The following CDC42BPB variants were observed in gnomAD, a reference collection of about 807,000 sequenced individuals.
The protein encoded by CDC42BPB is CDC42 binding protein kinase beta.
Under a neutral mutation model 214.9 loss-of-function variants are expected in CDC42BPB, and 37 were observed. The observed-to-expected ratio is 0.17, with a 90% CI of 0.13 to 0.23. The LOEUF is 0.23. Among genes scored for constraint, CDC42BPB ranks in the 10% least tolerant of loss-of-function variants. The pLI, the probability that CDC42BPB is intolerant of heterozygous loss-of-function variation, is 1.00. For missense variants in CDC42BPB, 1,694 were observed against 2,227.0 expected (o/e 0.76, Z 4.82); for synonymous variants, 931 against 884.0 (o/e 1.05, Z -0.94).
chr14:102,957,022 TACA>T (rs1162561077), intron 21 of CDC42BPB, among the ~76,000 whole-genome samples: 4 of 4,496 alleles, frequency 8.9e-4, no homozygotes, highest in African/African-American at 4.9e-3. Flanking sequence ...CTACTAAAAA[TACA>T]AAAAAAAAAA....
At chr14:103,009,286 C>T (rs1010917166) in intron 2 of CDC42BPB, among the ~76,000 whole-genome samples, 5 of 152,198 alleles carry the variant, frequency 3.3e-5, no homozygotes, top group Admixed American at 2.0e-4. Flanking sequence ...ACAGTCACAT[C>T]GTAGAGTCAC....
chr14:103,030,771 C>G (rs2139703648), intron 1 of CDC42BPB, among the ~76,000 whole-genome samples: 1 of 152,152 alleles, frequency 6.6e-6, no homozygotes, highest in East Asian at 1.9e-4. Context: ...ATCACTTACG[C>G]CTAGATGTTC....
chr14:102,934,436 A>C (rs891037053), intron 36 of CDC42BPB, among the ~76,000 whole-genome samples: 3 of 152,178 alleles, frequency 2.0e-5, no homozygotes, highest in Non-Finnish European at 2.9e-5. Flanking sequence ...GGGGAGGCTG[A>C]GGCAGGAGAA....
At position 102,944,273 on chromosome 14, in the gene CDC42BPB, G is replaced by A. The variant is rs1250636025; in HGVS notation, c.4026C>T (p.Thr1342=). ...ATATLKRNSG[T]CLFVAVKRLI... is the part of the protein sequence containing the mutation. ...GCCGTTTCACGGCCACAAACAGGCA[G>A]GTGCCAGAGTTCCTCTTGAGTGTGG... The change falls in exon 30 of 37, where the codon ACC becomes ACT. Residue 1342 remains threonine, a synonymous_variant. Transcript: ENST00000361246. The surrounding 1 kb of genome is among the most constrained non-coding windows in gnomAD (Gnocchi z 6.6). 1 of 1,613,214 alleles carries A rather than the reference G, an allele frequency of 6.2e-7. No homozygotes were observed. The highest frequency in any genetic ancestry group is 8.5e-7 in the Non-Finnish European group (1 of 1,180,036).
At chr14:102,989,850 ACT>A (rs1322640426) in intron 5 of CDC42BPB, among the ~76,000 whole-genome samples, 2 of 150,740 alleles carry the variant, frequency 1.3e-5, no homozygotes, top group Non-Finnish European at 3.0e-5. Flanking sequence ...CAAAAGCGAA[ACT>A]CTGTTTCAAA....
At chr14:102,964,842 T>C (rs1007164162) in intron 18 of CDC42BPB, 192 bp from the exon 19 acceptor site, 9 of 806,546 alleles carry the variant, frequency 1.1e-5, no homozygotes, top group African/African-American at 3.7e-5. Flanking sequence ...TCCTCAGAAA[T>C]CTTCTAAAAA....
intron 16 of CDC42BPB, 26 bp downstream of exon 16, chr14:102,968,227 T>C (rs753221339): frequency 9.1e-6 from 14 of 1,536,458 alleles, no homozygotes; most frequent in Non-Finnish European, 1.3e-5. Flanking sequence ...CACAAAGTGC[T>C]AACTCAGGTA....
intron 9 of CDC42BPB, among the ~76,000 whole-genome samples, chr14:102,977,621 T>G (rs899207302): frequency 2.6e-5 from 4 of 152,192 alleles, no homozygotes; most frequent in African/African-American, 9.7e-5. Flanking sequence ...AGCAGAGTGC[T>G]CTGATGGAAG....
At chr14:102,985,107 G>A (rs1048868663) in intron 6 of CDC42BPB, among the ~76,000 whole-genome samples, 1 of 151,838 alleles carries the variant, frequency 6.6e-6, no homozygotes, top group African/African-American at 2.4e-5. Context: ...GGTGAGGAGG[G>A]TAACCCATGT....
chr14:102,982,905 A>C (rs1894068706), intron 7 of CDC42BPB, among the ~76,000 whole-genome samples: 1 of 152,238 alleles, frequency 6.6e-6, no homozygotes, highest in Non-Finnish European at 1.5e-5. Flanking sequence ...TGACTAAGGA[A>C]AATTTTTAAA....
chr14:102,981,482 T>G (rs1893998074), intron 7 of CDC42BPB, among the ~76,000 whole-genome samples: 1 of 152,026 alleles, frequency 6.6e-6, no homozygotes, highest in Non-Finnish European at 1.5e-5. Flanking sequence ...AAAAAGAGAC[T>G]CGTTAAAAAA....
At chr14:103,017,873 T>C (rs1886552136) in intron 1 of CDC42BPB, among the ~76,000 whole-genome samples, 1 of 152,256 alleles carries the variant, frequency 6.6e-6, no homozygotes, top group South Asian at 2.1e-4. Context: ...GTATCAATGC[T>C]ACATTCCTGA....
intron 5 of CDC42BPB, among the ~76,000 whole-genome samples, chr14:102,998,462 T>C (rs1894838257): frequency 6.6e-6 from 1 of 152,220 alleles, no homozygotes; most frequent in Non-Finnish European, 1.5e-5. Flanking sequence ...CCTATTACCA[T>C]AAAATTATCT....
intron 1 of CDC42BPB, among the ~76,000 whole-genome samples, chr14:103,025,867 A>C (rs1887024390): frequency 6.6e-6 from 1 of 152,022 alleles, no homozygotes; most frequent in African/African-American, 2.4e-5. Context: ...ACACGGATGT[A>C]TGTGAAGCTA....
At chr14:102,938,271 C>T in intron 35 of CDC42BPB, 35 bp downstream of exon 35, 1 of 1,601,578 alleles carries the variant, frequency 6.2e-7, no homozygotes, top group Non-Finnish European at 8.5e-7. Flanking sequence ...CCCCCCACCT[C>T]CCCCAGGGCT....
intron 1 of CDC42BPB, among the ~76,000 whole-genome samples, chr14:103,047,527 A>G (rs2139770624): frequency 6.6e-6 from 1 of 152,274 alleles, no homozygotes; most frequent in Non-Finnish European, 1.5e-5. Flanking sequence ...CAATGCCTCC[A>G]TGCTTTCAAA....
intron 20 of CDC42BPB, among the ~76,000 whole-genome samples, chr14:102,961,037 C>T (rs1030591115): frequency 6.6e-5 from 10 of 151,756 alleles, no homozygotes; most frequent in South Asian, 2.1e-4. Context: ...TGTGGTGGCA[C>T]GTGCCTGTAG....
At chr14:103,021,368 A>C (rs1830219443) in intron 1 of CDC42BPB, among the ~76,000 whole-genome samples, 1 of 152,130 alleles carries the variant, frequency 6.6e-6, no homozygotes, top group Non-Finnish European at 1.5e-5. Context: ...TGGGAGGCTG[A>C]GGCAGGAGAA....
intron 7 of CDC42BPB, among the ~76,000 whole-genome samples, chr14:102,981,420 G>T (rs934031794): frequency 1.3e-5 from 2 of 152,160 alleles, no homozygotes; most frequent in African/African-American, 4.8e-5. Context: ...ACATGCTCAG[G>T]ACTGCACTGT....
Sources: gnomAD v4.1 joint callset for allele counts (sites outside exome capture counted in the v4.1 genomes callset) on GRCh38, gnomAD v4.1.1 for gene constraint, Gnocchi (gnomAD v3.1) non-coding constraint, MANE v1.5 for transcripts, NCBI Gene and HGNC (gene_info 2026-07-23, HGNC 2026-07-21) for gene names.